Variants in CDK15 observed in about 807,000 individuals in gnomAD.
CDK15 encodes cyclin-dependent kinase 15.
CDK15 carries 62 observed loss-of-function variants against 60.3 expected under a neutral mutation model. The observed-to-expected ratio is 1.03, with a 90% CI of 0.84 to 1.27. The LOEUF (loss-of-function observed/expected upper bound fraction) is 1.27, where lower values mean the gene tolerates loss of function less well. CDK15 is among the 50% of genes most tolerant of loss of function. The pLI is 0.00. For missense variants in CDK15, 541 were observed against 527.8 expected (o/e 1.03, Z -0.25); for synonymous variants, 194 against 195.7 (o/e 0.99, Z 0.07).
chr2:201,833,966 A>G lies in CDK15; in HGVS notation c.725A>G (p.Asp242Gly). The change falls in exon 7 of 14, where the codon GAT becomes GGT. Residue 242 changes from aspartate to glycine, a missense_variant. Physicochemically the swap from Asp to Gly is moderately conservative, Grantham distance 94. Transcript: ENST00000652192. ...ISHLGELKLA[D>G]FGLARAKSIP... ...CACCTGGGAGAGCTCAAACTGGCTG[A>G]TTTTGGTAAGTCGCCCCTCGGGTCT... 6.2e-7 allele frequency: 1 copy of G among 1,613,422 alleles called. No homozygotes were observed. The highest frequency in any genetic ancestry group is 8.5e-7 in the Non-Finnish European group (1 of 1,179,728).
chr2:201,869,923 ATATTCT>A (rs1698791749), intron 10 of CDK15, among the ~76,000 whole-genome samples: 1 of 152,256 alleles, frequency 6.6e-6, no homozygotes, highest in Non-Finnish European at 1.5e-5. Flanking sequence ...CAAATGCCAG[ATATTCT>A]TATCTTTACT....
chr2:201,864,889 T>C (rs953338763), intron 10 of CDK15, among the ~76,000 whole-genome samples: 1 of 152,206 alleles, frequency 6.6e-6, no homozygotes, highest in Non-Finnish European at 1.5e-5. Flanking sequence ...AGAAGTCACA[T>C]GCTTAAATCG....
At chr2:201,813,030 G>T (rs1333344483) in intron 4 of CDK15, among the ~76,000 whole-genome samples, 2 of 152,200 alleles carry the variant, frequency 1.3e-5, no homozygotes, top group African/African-American at 4.8e-5. Context: ...CAGCAAATGG[G>T]TGAGGAACCT....
chr2:201,891,915 C>T (rs1309220667), intron 13 of CDK15, among the ~76,000 whole-genome samples: 1 of 152,128 alleles, frequency 6.6e-6, no homozygotes, highest in African/African-American at 2.4e-5. Context: ...TTCCCAGGGG[C>T]CTAGATGGTA....
At chr2:201,855,367 CAAGT>C (rs1485070320) in intron 10 of CDK15, among the ~76,000 whole-genome samples, 1 of 152,200 alleles carries the variant, frequency 6.6e-6, no homozygotes, top group Non-Finnish European at 1.5e-5. Context: ...TAGGACATGC[CAAGT>C]AAGCTGTCTG....
intron 4 of CDK15, among the ~76,000 whole-genome samples, chr2:201,818,533 G>C (rs981124548): frequency 2.0e-5 from 3 of 152,140 alleles, no homozygotes; most frequent in Non-Finnish European, 2.9e-5. Context: ...TTAGAAGAAA[G>C]AAAGACCTTG....
chr2:201,850,069 CGCTT>C (rs1445001658), intron 9 of CDK15, among the ~76,000 whole-genome samples: 2 of 152,184 alleles, frequency 1.3e-5, no homozygotes, highest in Admixed American at 6.5e-5. Context: ...GTGATCCACC[CGCTT>C]TGGCCTCCCA....
At chr2:201,863,787 T>G (rs1266839882) in intron 10 of CDK15, among the ~76,000 whole-genome samples, 3 of 152,040 alleles carry the variant, frequency 2.0e-5, no homozygotes, top group Admixed American at 6.6e-5. Context: ...TCCCAGCTAC[T>G]CAGGAGACTG....
intron 10 of CDK15, among the ~76,000 whole-genome samples, chr2:201,855,304 A>G (rs895106861): frequency 1.3e-5 from 2 of 152,228 alleles, no homozygotes; most frequent in African/African-American, 4.8e-5. Context: ...TGAATTGCAT[A>G]TGTATAAAAA....
intron 9 of CDK15, among the ~76,000 whole-genome samples, chr2:201,849,419 A>G (rs1256411088): frequency 2.6e-5 from 4 of 152,172 alleles, no homozygotes; most frequent in African/African-American, 9.7e-5. Context: ...TGATGCTGCA[A>G]TGACCTTTTA....
At chr2:201,842,687 A>G (rs1376621564) in intron 8 of CDK15, among the ~76,000 whole-genome samples, 1 of 152,182 alleles carries the variant, frequency 6.6e-6, no homozygotes, top group Non-Finnish European at 1.5e-5. Context: ...CTTATGGAAG[A>G]ATTTGTTCAT....
intron 8 of CDK15, among the ~76,000 whole-genome samples, chr2:201,837,303 C>CAGAA (rs1697139300): frequency 8.1e-6 from 1 of 123,598 alleles, no homozygotes; most frequent in African/African-American, 3.1e-5. Flanking sequence ...AAGAAAGAAA[C>CAGAA]AGAGAGAGAG....
chr2:201,876,447 G>T, intron 11 of CDK15: 1 of 510,014 alleles, frequency 2.0e-6, no homozygotes, highest in South Asian at 1.6e-5. Flanking sequence ...TGCTACCAGT[G>T]CTGCCAGTGA....
At chr2:201,858,074 A>T (rs544106185) in intron 10 of CDK15, among the ~76,000 whole-genome samples, 1 of 152,154 alleles carries the variant, frequency 6.6e-6, no homozygotes, top group East Asian at 1.9e-4. Context: ...AACTTGGGAG[A>T]ACCATCCAGT....
At position 201,833,896 on chromosome 2, in the gene CDK15, CACGTTCTTCACAGGGACCTGAA is replaced by C; in HGVS notation, c.658_679del (p.Val220LeufsTer35). 1 of 1,614,034 alleles carries C rather than the reference CACGTTCTTCACAGGGACCTGAA, an allele frequency of 6.2e-7. No homozygotes were observed. Among genetic ancestry groups the C allele is most frequent in the Non-Finnish European group, 8.5e-7 (1 of 1,179,988 alleles). ...GGGCCTGGCGTACATCCACCACCAA[CACGTTCTTCACAGGGACCTGAA>C]ACCTCAGAACTTACTCATCAGTCAC... On this transcript the variant is annotated frameshift_variant, in exon 7 of 14. Transcript: ENST00000652192. LOFTEE classifies it high-confidence loss of function.
At chr2:201,872,248 AT>A (rs1559144475) in intron 10 of CDK15, 29 bp from the exon 11 acceptor site, 2 of 1,613,184 alleles carry the variant, frequency 1.2e-6, no homozygotes, top group Non-Finnish European at 1.7e-6. Flanking sequence ...GGTGGATTTT[AT>A]TTTTTAACGC....
At position 201,807,890 on chromosome 2, in the gene CDK15, T is replaced by C. The variant is rs982783078; in HGVS notation, c.306T>C (p.Ser102=). ...GCCTCCCTTTTGGGGCAGCCTCATCTTACTTGAACTTGGAGAAGCTGGGTG... is the reference window on the plus strand; with the variant it reads ...GCCTCCCTTTTGGGGCAGCCTCATCCTACTTGAACTTGGAGAAGCTGGGTG... ...RKSLPFGAAS[S]YLNLEKLGEG... The change falls in exon 3 of 14, where the codon TCT becomes TCC. Residue 102 remains serine, a synonymous_variant. Transcript: ENST00000652192. The C allele has an allele frequency of 2.0e-5, 32 of 1,614,078 alleles. No homozygotes were observed. The Middle Eastern group carries it at 4.9e-4, about 25-fold the overall frequency.
intron 4 of CDK15, among the ~76,000 whole-genome samples, chr2:201,821,973 G>T (rs1024720664): frequency 2.6e-5 from 4 of 152,180 alleles, no homozygotes; most frequent in Non-Finnish European, 5.9e-5. Context: ...GCGCTACCAC[G>T]CCCGGCCTCA....
chr2:201,853,988 C>T lies in CDK15; in HGVS notation c.946-886C>T, dbSNP rs557705872. Reference sequence around the variant, plus strand: ...CATCCTGGCCAACACGGTGAAACCCCGTCTCTACTAAAAATACAACAACAA... The same window carrying T: ...CATCCTGGCCAACACGGTGAAACCCTGTCTCTACTAAAAATACAACAACAA... On this transcript the variant is annotated intron_variant, in intron 9 of 13. Transcript: ENST00000652192. 2.6e-5 allele frequency among the ~76,000 whole-genome samples: 4 copies of T among 152,000 alleles called. No homozygotes were observed. In the East Asian group the frequency reaches 5.8e-4, roughly 22 times the overall value.
Sources: gnomAD v4.1 joint callset for allele counts (sites outside exome capture counted in the v4.1 genomes callset) on GRCh38, gnomAD v4.1.1 for gene constraint, MANE v1.5 for transcripts, NCBI Gene and HGNC (gene_info 2026-07-23, HGNC 2026-07-21) for gene names.